RILPL1: variants seen among roughly 807,000 people sequenced by gnomAD.
RILPL1 encodes the protein Rab interacting lysosomal protein like 1.
In RILPL1, 33 loss-of-function variants were observed where a neutral mutation model predicts 50.3. The observed-to-expected ratio is 0.66, with a 90% CI of 0.50 to 0.88. The LOEUF (loss-of-function observed/expected upper bound fraction) is 0.88, where lower values mean the gene tolerates loss of function less well. RILPL1 is among the 40% of genes least tolerant of loss of function. The probability of loss-of-function intolerance (pLI) is 0.00; values close to 1 mark genes in which losing one functional copy is unlikely to be tolerated. For missense variants in RILPL1, 418 were observed against 542.5 expected, an observed-to-expected ratio of 0.77 and a Z score of 2.28; for synonymous variants, 205 against 228.6, an observed-to-expected ratio of 0.90 and a Z score of 0.93.
At chr12:123,477,861 T>C (rs907762178) in intron 6 of RILPL1, among the ~76,000 whole-genome samples, 4 of 151,920 alleles carry the variant, frequency 2.6e-5, no homozygotes, top group African/African-American at 4.8e-5. Flanking sequence ...ACGGGGGACA[T>C]TTTGCCTCAA....
intron 2 of RILPL1, among the ~76,000 whole-genome samples, chr12:123,506,140 G>T (rs1883733625): frequency 6.6e-6 from 1 of 152,234 alleles, no homozygotes; most frequent in Admixed American, 6.5e-5. Context: ...TGCAGGGCAG[G>T]CCTCTCAGGG....
At chr12:123,511,552 CTG>C (rs1283235993) in intron 2 of RILPL1, among the ~76,000 whole-genome samples, 5 of 84,348 alleles carry the variant, frequency 5.9e-5, no homozygotes, top group Admixed American at 1.5e-4. Context: ...TGTGTGAGGT[CTG>C]TGTGTGTGGT....
intron 4 of RILPL1, among the ~76,000 whole-genome samples, chr12:123,496,450 A>ACTGTGAGCTTGT (rs1883040691): frequency 1.3e-5 from 2 of 152,110 alleles, no homozygotes; most frequent in Non-Finnish European, 1.5e-5. Flanking sequence ...AACCCACCTG[A>ACTGTGAGCTTGT]CTGTGAGCTT....
chr12:123,515,241 T>G (rs543784830), intron 2 of RILPL1: 34 of 152,196 alleles, frequency 2.2e-4, no homozygotes, highest in African/African-American at 7.5e-4. Flanking sequence ...TTAAAATACA[T>G]AATTTTAATT....
At chr12:123,513,906 G>C (rs1884536953) in intron 2 of RILPL1, 1 of 152,196 alleles carries the variant, frequency 6.6e-6, no homozygotes, top group Non-Finnish European at 1.5e-5. Flanking sequence ...GTGTGGGAGT[G>C]AGAATCTGGC....
chr12:123,472,493 G>C lies in RILPL1; in HGVS notation c.*45C>G. ...CCTGGGCTGCAGTTCGGTTGCAGGC[G>C]CTGGTGGCGGGCAGTCCAGGTTGGA... On this transcript the variant is annotated 3_prime_UTR_variant, in exon 7 of 7. Transcript: ENST00000376874. The C allele has an allele frequency of 6.5e-7, 1 of 1,547,400 alleles. No individual in the cohort carries two copies. The highest frequency in any genetic ancestry group is 8.7e-7 in the Non-Finnish European group (1 of 1,144,988).
intron 5 of RILPL1, 55 bp from the exon 6 acceptor site, chr12:123,484,327 G>T (rs1477827830): frequency 1.5e-5 from 17 of 1,134,502 alleles, no homozygotes; most frequent in Non-Finnish European, 2.3e-5. Context: ...TTGAGAACTG[G>T]AACATTCCAG....
intron 2 of RILPL1, among the ~76,000 whole-genome samples, chr12:123,516,577 C>A (rs1019723134): frequency 6.6e-6 from 1 of 152,220 alleles, no homozygotes; most frequent in Non-Finnish European, 1.5e-5. Flanking sequence ...CAGATTCCCT[C>A]CTGGAAGAAT....
intron 4 of RILPL1, among the ~76,000 whole-genome samples, chr12:123,486,139 C>T (rs1179756486): frequency 2.0e-5 from 3 of 152,224 alleles, no homozygotes; most frequent in Non-Finnish European, 2.9e-5. Context: ...CGTACATCTG[C>T]TGCTTCCCCC....
chr12:123,515,222 G>A (rs180694706), intron 2 of RILPL1: 12 of 151,936 alleles, frequency 7.9e-5, no homozygotes, highest in African/African-American at 2.9e-4. Context: ...TTAAAATACA[G>A]AATTTTAATT....
rs1029193159 is a variant in RILPL1, at chr12:123,470,813, A to G, written c.*1725T>C. 6.6e-6 allele frequency: 1 copy of G among 152,210 alleles called. No individual in the cohort carries two copies. Among genetic ancestry groups the G allele is most frequent in the Non-Finnish European group, 1.5e-5 (1 of 68,048 alleles). 9.4% of individuals were successfully genotyped at this position (152,210 alleles called of 1,614,324 possible). On this transcript the variant is annotated 3_prime_UTR_variant, in exon 7 of 7. Coordinates refer to ENST00000376874, the MANE Select transcript of RILPL1 (RefSeq NM_178314.5). The stretch of plus-strand genomic sequence containing the variant: ...AAGAGAGACATTTAGTGTTTAGGAA[A>G]GATAACCAAGAAACTGGCAATTTTG...
intron 2 of RILPL1, among the ~76,000 whole-genome samples, chr12:123,502,801 C>T (rs1409925490): frequency 3.3e-5 from 5 of 152,250 alleles, no homozygotes; most frequent in Non-Finnish European, 7.3e-5. Flanking sequence ...TTTCTCATAG[C>T]TCTAGAAGCC....
In RILPL1 at chr12:123,489,906, G is replaced by A. The variant is rs1452917138; in HGVS notation, c.802-4101C>T. 6.6e-6 allele frequency among the ~76,000 whole-genome samples: 1 copy of A among 152,142 alleles called. No individual in the cohort carries two copies. The highest frequency in any genetic ancestry group is 1.9e-4 in the East Asian group (1 of 5,200). On this transcript the variant is annotated intron_variant, in intron 4 of 6. Coordinates refer to ENST00000376874, the MANE Select transcript of RILPL1 (RefSeq NM_178314.5). The surrounding 1 kb of genome is among the most constrained non-coding windows in gnomAD (Gnocchi z 4.0). ...TGTGTTCTAAAACTCTGTTGAATTA[G>A]CTGCGAACTCTTTAAGATTAGGAGA...
chr12:123,499,983 G>A (rs1287251254), intron 2 of RILPL1, among the ~76,000 whole-genome samples: 1 of 151,166 alleles, frequency 6.6e-6, no homozygotes, highest in African/African-American at 2.4e-5. Flanking sequence ...CCAGGCTGGA[G>A]TGCAGTGGCG....
Position 123,533,037 on chromosome 12 carries a change from T to G in RILPL1, c.309+137A>C, listed in dbSNP as rs1364900775. The G allele has an allele frequency of 1.1e-6, 1 of 941,580 alleles. No homozygotes were observed. The highest frequency in any genetic ancestry group is 1.5e-6 in the Non-Finnish European group (1 of 651,964). 58.3% of individuals were successfully genotyped at this position (941,580 alleles called of 1,614,324 possible). ...GGGCAAAAGAAGGCCAGGGCCTCCC[T>G]CCCTCCCCACGTCGGGTCTCCTCTG... On this transcript the variant is annotated intron_variant, in intron 1 of 6. Transcript: ENST00000376874. The surrounding 1 kb of genome is among the most constrained non-coding windows in gnomAD (Gnocchi z 6.2).
intron 6 of RILPL1, 23 bp from the exon 7 acceptor site, chr12:123,472,705 A>AGAAATGAGAGCTGACCC: frequency 1.3e-6 from 2 of 1,585,902 alleles, no homozygotes; most frequent in Non-Finnish European, 1.7e-6. Flanking sequence ...AAGCAAACAC[A>AGAAATGAGAGCTGACCC]GAAATGAGAG....
chr12:123,533,399 G>C lies in RILPL1; in HGVS notation c.84C>G (p.Tyr28Ter). The change falls in exon 1 of 7, where the codon TAC becomes TAG. Residue 28 changes from tyrosine (Y) to a stop codon, truncating the protein, a stop_gained. Coordinates refer to ENST00000376874, the MANE Select transcript of RILPL1 (RefSeq NM_178314.5). LOFTEE classifies it high-confidence loss of function. The surrounding 1 kb of genome is among the most constrained non-coding windows in gnomAD (Gnocchi z 6.2). ...NVAELTVMDV[Y>*]DIASLVGHEF... ...CGTGGCCCACAAGCGACGCGATGTC[G>C]TACACGTCCATGACGGTCAGCTCGG... 6.4e-7 allele frequency: 1 copy of C among 1,554,740 alleles called. No homozygotes were observed. The highest frequency in any genetic ancestry group is 1.9e-5 in the Admixed American group (1 of 51,886).
chr12:123,501,133 A>AAAAAT (rs1005594661), intron 2 of RILPL1, among the ~76,000 whole-genome samples: 1 of 151,860 alleles, frequency 6.6e-6, no homozygotes, highest in African/African-American at 2.4e-5. Context: ...AATAAAATTT[A>AAAAAT]AAAATAAAAT....
chr12:123,517,426 T>A (rs1274750175), intron 2 of RILPL1, among the ~76,000 whole-genome samples: 2 of 50,868 alleles, frequency 3.9e-5, no homozygotes, highest in South Asian at 4.2e-4. Flanking sequence ...TTGTTATTGT[T>A]TTTTTTTTTT....
Sources: gnomAD v4.1 joint callset for allele counts (sites outside exome capture counted in the v4.1 genomes callset) on GRCh38, gnomAD v4.1.1 for gene constraint, Gnocchi (gnomAD v3.1) non-coding constraint, MANE v1.5 for transcripts, NCBI Gene and HGNC (gene_info 2026-07-23, HGNC 2026-07-21) for gene names.